Variants in SHANK2 observed in about 807,000 individuals in gnomAD.
SHANK2 encodes SH3 and multiple ankyrin repeat domains 2, also known as SH3 and multiple ankyrin repeat domains protein 2.
Under a neutral mutation model 133.7 loss-of-function variants are expected in SHANK2, and 43 were observed. That is an observed-to-expected ratio of 0.32 (90% CI 0.25 to 0.41). SHANK2 has a LOEUF of 0.41. Ranked by LOEUF, SHANK2 falls within the 10% of genes least tolerant of loss-of-function variation. SHANK2 has a pLI of 1.00. For synonymous variants in SHANK2, 1,017 were observed against 952.8 expected (o/e 1.07, Z -1.24); for missense variants, 1,994 against 2,235.8 (o/e 0.89, Z 2.18).
At chr11:71,207,166 A>G (rs1591020228) in intron 2 of SHANK2, among the ~76,000 whole-genome samples, 1 of 147,836 alleles carries the variant, frequency 6.8e-6, no homozygotes, top group Non-Finnish European at 1.5e-5. Context: ...TTCAACCAAC[A>G]CTTTAAAATT....
chr11:71,239,459 T>TA (rs199981110), intron 1 of SHANK2, among the ~76,000 whole-genome samples: 14 of 152,066 alleles, frequency 9.2e-5, no homozygotes, highest in African/African-American at 1.4e-4. Flanking sequence ...CTGTTAATGG[T>TA]AAAAAAATTT....
intron 3 of SHANK2, among the ~76,000 whole-genome samples, chr11:71,139,158 C>G (rs1225010628): frequency 6.6e-6 from 1 of 152,144 alleles, no homozygotes; most frequent in East Asian, 1.9e-4. Context: ...TGAGCGTCTG[C>G]TGGGAGGTGG....
chr11:70,778,896 C>G (rs1441951548), intron 14 of SHANK2, among the ~76,000 whole-genome samples: 1 of 152,126 alleles, frequency 6.6e-6, no homozygotes, highest in Non-Finnish European at 1.5e-5. Flanking sequence ...CTCTCCTGAA[C>G]CCTCTGCCCA....
intron 15 of SHANK2, among the ~76,000 whole-genome samples, chr11:70,679,787 C>T (rs1555017993): frequency 6.6e-6 from 1 of 152,260 alleles, no homozygotes; most frequent in Non-Finnish European, 1.5e-5. Context: ...CACACCCCAG[C>T]CAGGCCCTCT....
chr11:70,648,987 G>C (rs2061305487), intron 17 of SHANK2, among the ~76,000 whole-genome samples: 1 of 152,184 alleles, frequency 6.6e-6, no homozygotes, highest in Non-Finnish European at 1.5e-5. Flanking sequence ...GAGGTGCCCT[G>C]GTAAAGCAGG....
intron 10 of SHANK2, among the ~76,000 whole-genome samples, chr11:70,927,873 G>A (rs1160660590): frequency 6.6e-6 from 1 of 152,118 alleles, no homozygotes; most frequent in Non-Finnish European, 1.5e-5. Context: ...GAAGAGGAAG[G>A]GGGCATTAGC....
At chr11:70,825,730 G>A (rs1948626937) in intron 11 of SHANK2, among the ~76,000 whole-genome samples, 1 of 151,986 alleles carries the variant, frequency 6.6e-6, no homozygotes, top group African/African-American at 2.4e-5. Flanking sequence ...TAAAATGAGA[G>A]CTCTCTGACA....
intron 15 of SHANK2, chr11:70,662,046 G>A: frequency 2.0e-6 from 1 of 506,798 alleles, no homozygotes; most frequent in Non-Finnish European, 3.6e-6. Flanking sequence ...GAACGGCGGC[G>A]GCGGCAGCGG....
At chr11:70,856,581 T>C (rs1166005457) in intron 11 of SHANK2, among the ~76,000 whole-genome samples, 1 of 152,024 alleles carries the variant, frequency 6.6e-6, no homozygotes, top group Non-Finnish European at 1.5e-5. Context: ...GGAGGGTAGA[T>C]AGATATATTA....
intron 14 of SHANK2, 32 bp downstream of exon 14, chr11:70,798,411 C>T (rs1212582307): frequency 2.8e-6 from 2 of 716,300 alleles, no homozygotes; most frequent in South Asian, 1.5e-5. Flanking sequence ...CCTGCAGGAT[C>T]GAGGGTGGGC....
intron 2 of SHANK2, among the ~76,000 whole-genome samples, chr11:71,203,705 G>A (rs1954067291): frequency 6.6e-6 from 1 of 152,322 alleles, no homozygotes; most frequent in South Asian, 2.1e-4. Flanking sequence ...GTTCACCTGG[G>A]GCCTTGAGTG....
Position 70,502,832 on chromosome 11 carries a change from T to G in SHANK2, c.2161A>C (p.Arg721=). The change falls in exon 18 of 26, where the codon AGG becomes CGG. Residue 721 remains arginine, a synonymous_variant. Coordinates refer to ENST00000601538, the MANE Select transcript of SHANK2 (RefSeq NM_012309.5). ...HLVLKVVTVT[R]NLDPDDTARK... is the part of the protein sequence containing the mutation. ...GCGGTGTCGTCGGGGTCCAGATTCC[T>G]GGTCACCGTGACCACCTTAAGGACC... is the stretch of plus-strand genomic sequence containing the variant. 6.3e-7 allele frequency: 1 copy of G among 1,597,956 alleles called. No individual in the cohort carries two copies. The highest frequency in any genetic ancestry group is 8.5e-7 in the Non-Finnish European group (1 of 1,171,994).
chr11:70,908,199 C>A, intron 10 of SHANK2: 1 of 226,762 alleles, frequency 4.4e-6, no homozygotes, highest in Non-Finnish European at 9.0e-6. Flanking sequence ...CACCCTAAAA[C>A]TAAGGGCTGC....
In SHANK2 at chr11:70,950,039, G is replaced by A. The variant is rs782312885; in HGVS notation, c.1108-53472C>T. The A allele has an allele frequency of 8.1e-5, 37 of 456,634 alleles. 1 individual carries two copies. The Middle Eastern group carries it at 4.9e-3, about 60-fold the overall frequency. The allele number at this position is 456,634 out of a possible 1,614,324, so 28.3% of individuals were successfully genotyped here. A position where few individuals can be genotyped will look rare whatever the true frequency, so the allele number is the denominator to read the frequency against. On this transcript the variant is annotated intron_variant, in intron 10 of 25. Transcript: ENST00000601538. ...TGGCTCTCAATGTGTCTTCATGGGC[G>A]GAAAGACAAGGCAGTTGCCTTCAGC... is the stretch of plus-strand genomic sequence containing the variant.
At chr11:70,869,225 C>T (rs138719063) in intron 11 of SHANK2, among the ~76,000 whole-genome samples, 43 of 152,258 alleles carry the variant, frequency 2.8e-4, no homozygotes, top group African/African-American at 9.4e-4. Context: ...AACGGTGAGA[C>T]GATAAATGAC....
At chr11:70,714,031 G>A (rs1173074005) in intron 14 of SHANK2, among the ~76,000 whole-genome samples, 1 of 152,170 alleles carries the variant, frequency 6.6e-6, no homozygotes, top group Non-Finnish European at 1.5e-5. Flanking sequence ...TCTACCCCAG[G>A]GGCCAGGAAG....
At chr11:70,903,629 G>T (rs1221000091) in intron 10 of SHANK2, among the ~76,000 whole-genome samples, 5 of 152,070 alleles carry the variant, frequency 3.3e-5, no homozygotes, top group Non-Finnish European at 5.9e-5. Flanking sequence ...TCCACGAGGG[G>T]CTGGGGTCCC....
intron 17 of SHANK2, among the ~76,000 whole-genome samples, chr11:70,529,334 G>A (rs1324605911): frequency 6.6e-6 from 1 of 152,216 alleles, no homozygotes; most frequent in African/African-American, 2.4e-5. Context: ...CAGAGAAGGC[G>A]GGTGACTTGG....
At chr11:71,095,309 G>A (rs577958281) in intron 6 of SHANK2, among the ~76,000 whole-genome samples, 59 of 152,314 alleles carry the variant, frequency 3.9e-4, no homozygotes, top group African/African-American at 1.3e-3. Flanking sequence ...CAAGGGTCCC[G>A]TGCAGATGAC....
Sources: allele counts gnomAD v4.1 joint callset (sites outside exome capture counted in the v4.1 genomes callset), GRCh38; gene constraint gnomAD v4.1.1; transcripts MANE v1.5; gene names NCBI Gene and HGNC (gene_info 2026-07-23, HGNC 2026-07-21).